SPTLC2: variants seen among roughly 807,000 people sequenced by gnomAD.
SPTLC2 encodes the protein serine palmitoyltransferase long chain base subunit 2.
In SPTLC2, 21 loss-of-function variants were observed where a neutral mutation model predicts 62.0. The ratio of observed to expected loss-of-function variants is 0.34; its 90% confidence interval spans 0.24 to 0.49. The LOEUF (loss-of-function observed/expected upper bound fraction) is 0.49. SPTLC2 is among the 20% of genes least tolerant of loss of function. The pLI is 0.99. For synonymous variants in SPTLC2, 261 were observed against 261.8 expected (o/e 1.00, Z 0.03); for missense variants, 511 against 713.0 (o/e 0.72, Z 3.23).
chr14:77,512,762 C>A (rs1030543700), intron 11 of SPTLC2, among the ~76,000 whole-genome samples: 4 of 152,184 alleles, frequency 2.6e-5, no homozygotes, highest in African/African-American at 9.6e-5. Context: ...GTTGCTCAGG[C>A]TGGAGTGCTG....
rs989778258 is a variant in SPTLC2, at chr14:77,510,210, C to G, written c.*2074G>C. 5.8e-6 allele frequency: 2 copies of G among 345,624 alleles called. No homozygotes were observed. The highest frequency in any genetic ancestry group is 1.0e-5 in the Non-Finnish European group (2 of 194,016). 21.4% of individuals were successfully genotyped at this position (345,624 alleles called of 1,614,324 possible). A position where few individuals can be genotyped will look rare whatever the true frequency, so the allele number is the denominator to read the frequency against. On this transcript the variant is annotated 3_prime_UTR_variant, in exon 12 of 12. Coordinates refer to ENST00000216484, the MANE Select transcript of SPTLC2 (RefSeq NM_004863.4). ...TGCATCTCTCCTTGGTTCTTTCATT[C>G]ATCTTTTTCTGTTCTTTAAAAAAGT...
chr14:77,527,653 CT>C (rs1169477139), intron 9 of SPTLC2, among the ~76,000 whole-genome samples: 1 of 152,104 alleles, frequency 6.6e-6, no homozygotes, highest in Non-Finnish European at 1.5e-5. Flanking sequence ...TATATTATTA[CT>C]GAAATAAACT....
Position 77,521,544 on chromosome 14 carries a change from C to G in SPTLC2, c.1341G>C (p.Arg447Ser). ...TCTCTTTCAGGCGTCTCCTGAAATA[C>G]CTGGTGTTTTCAGCTAACTGTTGTA... ...ECVQQLAENT[R>S]YFRRRLKEMG... Residue 447 changes from arginine (R) to serine (S), a missense_variant, in exon 10 of 12, where the codon AGG (arginine) becomes AGC (serine). Coordinates refer to ENST00000216484, the MANE Select transcript of SPTLC2 (RefSeq NM_004863.4). 1 of 1,613,936 alleles carries G rather than the reference C, an allele frequency of 6.2e-7. No homozygotes were observed. The highest frequency in any genetic ancestry group is 8.5e-7 in the Non-Finnish European group (1 of 1,179,882).
At chr14:77,573,228 T>C (rs1032621879) in intron 4 of SPTLC2, among the ~76,000 whole-genome samples, 5 of 152,048 alleles carry the variant, frequency 3.3e-5, no homozygotes, top group Admixed American at 6.6e-5. Context: ...GGTAAATGGG[T>C]ACAAATATAG....
intron 5 of SPTLC2, 86 bp downstream of exon 5, chr14:77,570,298 T>A (rs1465526525): frequency 1.9e-6 from 3 of 1,544,020 alleles, no homozygotes; most frequent in African/African-American, 2.7e-5. Context: ...CTAAAGTTTA[T>A]AACAGCTTTT....
chr14:77,577,033 T>C (rs2079720271), intron 3 of SPTLC2, 118 bp from the exon 4 acceptor site: 5 of 1,092,888 alleles, frequency 4.6e-6, no homozygotes, highest in South Asian at 4.0e-5. Flanking sequence ...ATTAAAAAAA[T>C]CTCAAACACA....
intron 4 of SPTLC2, 121 bp downstream of exon 4, chr14:77,576,646 C>T (rs1037696813): frequency 2.2e-6 from 3 of 1,385,232 alleles, no homozygotes; most frequent in Admixed American, 3.7e-5. Context: ...GCATTCTTCA[C>T]CTTATCTAAA....
chr14:77,556,904 T>C lies in SPTLC2; in HGVS notation c.956+137A>G, dbSNP rs2079587158. ...ACTTCTGTTCTAATGCTGACTCTGT[T>C]TCCAGGTATTTTAGCGACTTATAAA... On this transcript the variant is annotated intron_variant, in intron 7 of 11. Transcript: ENST00000216484. 3 of 704,666 alleles carry C rather than the reference T, an allele frequency of 4.3e-6. No individual in the cohort carries two copies. The East Asian group carries it at 8.1e-5, about 19-fold the overall frequency. The allele number at this position is 704,666 out of a possible 1,614,324, so 43.7% of individuals were successfully genotyped here. A position where few individuals can be genotyped will look rare whatever the true frequency, so the allele number is the denominator to read the frequency against.
intron 3 of SPTLC2, among the ~76,000 whole-genome samples, chr14:77,577,532 G>C (rs1477205732): frequency 6.6e-6 from 1 of 152,182 alleles, no homozygotes; most frequent in Non-Finnish European, 1.5e-5. Context: ...ATACAATGTA[G>C]TCACTACAAA....
At chr14:77,513,016 C>CCTT (rs2079340539) in intron 11 of SPTLC2, among the ~76,000 whole-genome samples, 2 of 62,820 alleles carry the variant, frequency 3.2e-5, no homozygotes, top group Non-Finnish European at 5.4e-5. Context: ...AACCCAGCAA[C>CCTT]TTTTTTTTTT....
Position 77,616,599 on chromosome 14 carries a change from G to T in SPTLC2, c.-20C>A, listed in dbSNP as rs774394702. ...CCGCATCTTCCTGGCAGCACCAGGC[G>T]CAAGGCAGGCTCTGTAGGCGGTGGC... is the stretch of plus-strand genomic sequence containing the variant. On this transcript the variant is annotated 5_prime_UTR_variant, in exon 1 of 12. Coordinates refer to ENST00000216484, the MANE Select transcript of SPTLC2 (RefSeq NM_004863.4). The T allele has an allele frequency of 2.6e-6, 4 of 1,536,704 alleles. No individual in the cohort carries two copies. In the South Asian group the frequency reaches 3.6e-5, roughly 14 times the overall value.
intron 9 of SPTLC2, among the ~76,000 whole-genome samples, chr14:77,521,905 G>A (rs930488700): frequency 6.6e-6 from 1 of 152,136 alleles, no homozygotes; most frequent in Non-Finnish European, 1.5e-5. Flanking sequence ...GGATATTTAT[G>A]ATTATCTTCA....
At chr14:77,546,700 T>C (rs2079529900) in intron 9 of SPTLC2, among the ~76,000 whole-genome samples, 1 of 151,884 alleles carries the variant, frequency 6.6e-6, no homozygotes, top group Admixed American at 6.6e-5. Context: ...TAGAGAGTAG[T>C]TGCTTGTTGC....
rs370432060 is a variant in SPTLC2 at position 77,580,477 on chromosome 14, CA to C, written c.328-1369del. On this transcript the variant is annotated intron_variant, in intron 2 of 11. Coordinates refer to ENST00000216484, the MANE Select transcript of SPTLC2 (RefSeq NM_004863.4). ...TGGGCAACAGAATGAGACTCCATAT[CA>C]AAAAAAAAAAAAAATGGTTATAGGA... 4.1e-3 allele frequency among the ~76,000 whole-genome samples: 454 copies of C among 109,826 alleles called. 3 individuals carry two copies. The highest frequency in any genetic ancestry group is 0.018 in the Admixed American group (197 of 11,126). The allele number at this position is 109,826 out of a possible 152,430, so 72.1% of individuals were successfully genotyped here. A position where few individuals can be genotyped will look rare whatever the true frequency, so the allele number is the denominator to read the frequency against.
chr14:77,570,749 G>C (rs551975501), intron 4 of SPTLC2, among the ~76,000 whole-genome samples: 2 of 152,222 alleles, frequency 1.3e-5, no homozygotes, highest in African/African-American at 4.8e-5. Flanking sequence ...TTCCCCAAAG[G>C]GGGCTGCGAA....
At position 77,616,599 on chromosome 14, in the gene SPTLC2, G is replaced by C; in HGVS notation, c.-20C>G. 6.5e-7 allele frequency: 1 copy of C among 1,536,704 alleles called. No homozygotes were observed. The highest frequency in any genetic ancestry group is 8.7e-7 in the Non-Finnish European group (1 of 1,147,208). The stretch of plus-strand genomic sequence containing the variant: ...CCGCATCTTCCTGGCAGCACCAGGC[G>C]CAAGGCAGGCTCTGTAGGCGGTGGC... On this transcript the variant is annotated 5_prime_UTR_variant, in exon 1 of 12. Transcript: ENST00000216484.
chr14:77,512,175 T>C lies in SPTLC2; in HGVS notation c.*109A>G, dbSNP rs2079335416. 1.3e-6 allele frequency: 2 copies of C among 1,516,750 alleles called. No individual in the cohort carries two copies. The highest frequency in any genetic ancestry group is 1.8e-6 in the Non-Finnish European group (2 of 1,096,222). The allele number at this position is 1,516,750 out of a possible 1,614,324, so 94.0% of individuals were successfully genotyped here. ...TGGCCACCTTCAGTAGCTGAGGCAA[T>C]GTCTTTCACGTGAGATGGCCACAGA... On this transcript the variant is annotated 3_prime_UTR_variant, in exon 12 of 12. Transcript: ENST00000216484.
intron 9 of SPTLC2, among the ~76,000 whole-genome samples, chr14:77,547,141 A>G (rs185911579): frequency 7.9e-4 from 120 of 151,384 alleles, no homozygotes; most frequent in Middle Eastern, 7.1e-3. Flanking sequence ...CTGGGATTAC[A>G]GGTGTGAGCC....
At chr14:77,533,434 A>C (rs2079451677) in intron 9 of SPTLC2, among the ~76,000 whole-genome samples, 1 of 152,204 alleles carries the variant, frequency 6.6e-6, no homozygotes. Context: ...CTGAAAAGCA[A>C]ATACGGTAAT....
Sources: gnomAD v4.1 joint callset for allele counts (sites outside exome capture counted in the v4.1 genomes callset) on GRCh38, gnomAD v4.1.1 for gene constraint, MANE v1.5 for transcripts, NCBI Gene and HGNC (gene_info 2026-07-23, HGNC 2026-07-21) for gene names.